Variants in RGPD2 observed in about 807,000 individuals in gnomAD.
RGPD2 encodes RANBP2-like and GRIP domain-containing protein 2.
RGPD2 carries 2 observed loss-of-function variants against 36.0 expected under a neutral mutation model. The observed-to-expected ratio is 0.06, with a 90% CI of 0.02 to 0.17. RGPD2 has a LOEUF of 0.17. RGPD2 is among the 10% of genes least tolerant of loss of function. RGPD2 has a pLI of 1.00. For missense variants in RGPD2, 40 were observed against 464.3 expected, an observed-to-expected ratio of 0.09 and a Z score of 8.40; for synonymous variants, 19 against 163.8, an observed-to-expected ratio of 0.12 and a Z score of 6.75.
the RGPD2 span, among the ~76,000 whole-genome samples, chr2:87,869,973 T>C: frequency 6.6e-6 from 1 of 152,278 alleles, no homozygotes; most frequent in Non-Finnish European, 1.5e-5. Flanking sequence ...CTTCACTTCT[T>C]CTTACTTATC....
intron 6 of RGPD2, among the ~76,000 whole-genome samples, chr2:87,809,893 G>A (rs1300237726): frequency 1.1e-5 from 1 of 90,922 alleles, no homozygotes; most frequent in African/African-American, 3.8e-5. Context: ...TGAGGCAGGA[G>A]GATAAGCTCT....
chr2:87,879,380 A>C, the RGPD2 span, among the ~76,000 whole-genome samples: 1 of 151,662 alleles, frequency 6.6e-6, no homozygotes, highest in African/African-American at 2.4e-5. Context: ...GTCAAATACT[A>C]GGTCTTTATT....
the RGPD2 span, among the ~76,000 whole-genome samples, chr2:87,970,137 T>C: frequency 2.0e-5 from 3 of 151,650 alleles, no homozygotes; most frequent in Non-Finnish European, 2.9e-5. Flanking sequence ...TCAAAATCCA[T>C]GAATCTTCTA....
the RGPD2 span, among the ~76,000 whole-genome samples, chr2:87,915,456 TACAC>T: frequency 7.1e-6 from 1 of 140,906 alleles, no homozygotes; most frequent in South Asian, 2.1e-4. Flanking sequence ...TATACACATA[TACAC>T]ATATATGTGT....
At chr2:87,880,985 C>T in the RGPD2 span, among the ~76,000 whole-genome samples, 1 of 147,394 alleles carries the variant, frequency 6.8e-6, no homozygotes, top group South Asian at 2.2e-4. Flanking sequence ...AGGGAAGGCC[C>T]TGTGCAAGTT....
the RGPD2 span, among the ~76,000 whole-genome samples, chr2:87,937,243 G>C: frequency 1.3e-5 from 2 of 151,698 alleles, no homozygotes; most frequent in East Asian, 3.9e-4. Flanking sequence ...AGTGTCTTGA[G>C]CAATAAGCAC....
At chr2:87,963,963 G>A in the RGPD2 span, among the ~76,000 whole-genome samples, 2 of 147,726 alleles carry the variant, frequency 1.4e-5, no homozygotes, top group Non-Finnish European at 3.0e-5. Flanking sequence ...AGCCTCCCGA[G>A]TAGCTGGGAT....
chr2:87,871,583 G>C, the RGPD2 span, among the ~76,000 whole-genome samples: 4 of 150,482 alleles, frequency 2.7e-5, no homozygotes, highest in African/African-American at 7.3e-5. Flanking sequence ...AATAGATTCA[G>C]GTCCGGGTGC....
the RGPD2 span, among the ~76,000 whole-genome samples, chr2:87,831,064 A>G: frequency 6.6e-6 from 1 of 152,264 alleles, no homozygotes; most frequent in Non-Finnish European, 1.5e-5. Context: ...GCATGAAACA[A>G]TGAAAATAGT....
At chr2:87,973,692 C>T in the RGPD2 span, among the ~76,000 whole-genome samples, 1 of 68,818 alleles carries the variant, frequency 1.5e-5, no homozygotes, top group African/African-American at 6.1e-5. Context: ...CGTGAACCAG[C>T]TAAAAAAAAA....
the RGPD2 span, among the ~76,000 whole-genome samples, chr2:87,923,768 T>C: frequency 7.1e-6 from 1 of 140,202 alleles, no homozygotes; most frequent in East Asian, 2.0e-4. Context: ...TTTCATTGGG[T>C]GGCAACATCT....
chr2:87,841,559 CT>C, the RGPD2 span, among the ~76,000 whole-genome samples: 4 of 152,060 alleles, frequency 2.6e-5, no homozygotes, highest in Non-Finnish European at 5.9e-5. Flanking sequence ...AGAGAGTCAA[CT>C]TCTTGCTGGT....
At chr2:87,813,188 T>A (rs1314375832) in intron 4 of RGPD2, among the ~76,000 whole-genome samples, 26 of 152,208 alleles carry the variant, frequency 1.7e-4, no homozygotes, top group Admixed American at 1.7e-3. Flanking sequence ...TAATCCCTTA[T>A]ATCCATAATT....
chr2:87,841,282 C>G, the RGPD2 span, among the ~76,000 whole-genome samples: 106 of 152,034 alleles, frequency 7.0e-4, no homozygotes, highest in African/African-American at 2.3e-3. Flanking sequence ...CACCTTTCAC[C>G]ATGAGTGAAA....
the RGPD2 span, among the ~76,000 whole-genome samples, chr2:87,958,245 G>T: frequency 6.6e-6 from 1 of 152,074 alleles, no homozygotes; most frequent in Non-Finnish European, 1.5e-5. Context: ...TCTTAACTTG[G>T]TTAACTATAT....
the RGPD2 span, among the ~76,000 whole-genome samples, chr2:87,870,126 T>C: frequency 6.6e-6 from 1 of 152,298 alleles, no homozygotes; most frequent in South Asian, 2.1e-4. Context: ...ATTGTCACAT[T>C]TGACTACTGT....
chr2:87,912,116 G>T, the RGPD2 span, among the ~76,000 whole-genome samples: 59 of 149,224 alleles, frequency 4.0e-4, no homozygotes, highest in African/African-American at 6.7e-4. Flanking sequence ...AGAATTCTTC[G>T]ATTGTATTTC....
At chr2:87,961,116 A>G in the RGPD2 span, among the ~76,000 whole-genome samples, 1 of 152,068 alleles carries the variant, frequency 6.6e-6, no homozygotes, top group Non-Finnish European at 1.5e-5. Context: ...AACCTGAGTT[A>G]ATACCATCTC....
At chr2:87,839,141 G>A in the RGPD2 span, among the ~76,000 whole-genome samples, 2 of 150,806 alleles carry the variant, frequency 1.3e-5, no homozygotes, top group Non-Finnish European at 3.0e-5. Context: ...AAGGTCTAAT[G>A]TTCAGAATCT....
Sources: gnomAD v4.1 joint callset for allele counts (sites outside exome capture counted in the v4.1 genomes callset) on GRCh38, gnomAD v4.1.1 for gene constraint, MANE v1.5 for transcripts, NCBI Gene and HGNC (gene_info 2026-07-23, HGNC 2026-07-21) for gene names.